RIMBP2: variants seen among roughly 807,000 people sequenced by gnomAD.
RIMBP2 encodes RIMS-binding protein 2.
In RIMBP2, 48 loss-of-function variants were observed where a neutral mutation model predicts 118.6. That is an observed-to-expected ratio of 0.40 (90% confidence interval 0.32 to 0.51). RIMBP2 has a LOEUF of 0.51. RIMBP2 is among the 20% of genes least tolerant of loss of function. The pLI, the probability that RIMBP2 is intolerant of heterozygous loss-of-function variation, is 0.41. For missense variants in RIMBP2, 1,551 were observed against 1,768.3 expected, an observed-to-expected ratio of 0.88 and a Z score of 2.20; for synonymous variants, 762 against 742.9, an observed-to-expected ratio of 1.03 and a Z score of -0.42.
chr12:130,455,435 C>A (rs568316093), intron 7 of RIMBP2, among the ~76,000 whole-genome samples: 1 of 152,342 alleles, frequency 6.6e-6, no homozygotes, highest in South Asian at 2.1e-4. Flanking sequence ...CTAGGCAGGG[C>A]ATGCAGCCTG....
At position 130,578,589 on chromosome 12, in the gene RIMBP2, G is replaced by C. The variant is rs2058248827; in HGVS notation, c.-217+49733C>G. Among the ~76,000 whole-genome samples the C allele has an allele frequency of 6.6e-6, 1 of 152,198 alleles. No homozygotes were observed. The highest frequency in any genetic ancestry group is 6.5e-5 in the Admixed American group (1 of 15,284). On this transcript the variant is annotated intron_variant, in intron 2 of 22. Transcript: ENST00000690449. The surrounding 1 kb of genome is among the most constrained non-coding windows in gnomAD (Gnocchi z 4.1). The stretch of plus-strand genomic sequence containing the variant: ...TCCAGCCTTGGGGCCTGTGCACTGT[G>C]GGCCCCTCTGCCTGAACAGGCTTCC...
chr12:130,675,987 G>A (rs12582609), intron 1 of RIMBP2, among the ~76,000 whole-genome samples: 11 of 152,202 alleles, frequency 7.2e-5, no homozygotes, highest in East Asian at 3.9e-4. Context: ...GCATTAGCGC[G>A]CCATAAGGGG....
chr12:130,579,753 A>G (rs1269413368), intron 2 of RIMBP2, among the ~76,000 whole-genome samples: 1 of 151,934 alleles, frequency 6.6e-6, no homozygotes, highest in Non-Finnish European at 1.5e-5. Flanking sequence ...ATACTAGATG[A>G]GTGGACCCAG....
rs1025180372 is a variant in RIMBP2, at chr12:130,450,049, A to C, written c.581+151T>G. The C allele has an allele frequency of 1.7e-6, 1 of 602,074 alleles. No individual in the cohort carries two copies. The highest frequency in any genetic ancestry group is 2.8e-5 in the Admixed American group (1 of 36,254). The allele number at this position is 602,074 out of a possible 1,614,324, so 37.3% of individuals were successfully genotyped here. The stretch of plus-strand genomic sequence containing the variant: ...GTGCCACCCAAACTCTCTCCACCGA[A>C]CCCTGCTCAGCCTCCAGGCCAGGCT... On this transcript the variant is annotated intron_variant, in intron 9 of 22. Transcript: ENST00000690449. The surrounding 1 kb of genome is among the most constrained non-coding windows in gnomAD (Gnocchi z 4.8).
chr12:130,636,378 TTGTA>T (rs1566412040), intron 1 of RIMBP2, among the ~76,000 whole-genome samples: 1 of 152,098 alleles, frequency 6.6e-6, no homozygotes, highest in Admixed American at 6.5e-5. Flanking sequence ...AGATTGGCGG[TTGTA>T]TGTATCTTAT....
At chr12:130,593,665 G>A (rs1200616292) in intron 2 of RIMBP2, among the ~76,000 whole-genome samples, 1 of 152,136 alleles carries the variant, frequency 6.6e-6, no homozygotes, top group East Asian at 1.9e-4. Flanking sequence ...GGGAAATCCT[G>A]ACTTTATGTG....
chr12:130,610,978 T>C (rs890703093), intron 2 of RIMBP2, among the ~76,000 whole-genome samples: 9 of 151,930 alleles, frequency 5.9e-5, no homozygotes, highest in African/African-American at 1.9e-4. Flanking sequence ...TGCCTCCGAG[T>C]TCCCTCATTT....
intron 4 of RIMBP2, among the ~76,000 whole-genome samples, chr12:130,500,801 G>A (rs534138759): frequency 1.6e-4 from 24 of 152,142 alleles, no homozygotes; most frequent in South Asian, 6.2e-4. Flanking sequence ...CGCGTCAGGT[G>A]CTAGATGAGA....
chr12:130,567,485 C>A (rs867662881), intron 2 of RIMBP2, among the ~76,000 whole-genome samples: 1 of 152,206 alleles, frequency 6.6e-6, no homozygotes, highest in African/African-American at 2.4e-5. Flanking sequence ...TGGAACCCAC[C>A]CTTCTATCCC....
chr12:130,648,010 C>CACACACTTGTGAACACACGTGTGT (rs2063064954), intron 1 of RIMBP2, among the ~76,000 whole-genome samples: 1 of 146,492 alleles, frequency 6.8e-6, no homozygotes, highest in Admixed American at 6.8e-5. Flanking sequence ...CACACGTGTG[C>CACACACTTGTGAACACACGTGTGT]ACACACATGT....
intron 2 of RIMBP2, among the ~76,000 whole-genome samples, chr12:130,613,327 C>T (rs181786498): frequency 1.1e-4 from 16 of 152,308 alleles, no homozygotes; most frequent in South Asian, 1.0e-3. Flanking sequence ...ATACCCCTGC[C>T]GCAATCTCCA....
At chr12:130,674,748 C>G (rs1324804532) in intron 1 of RIMBP2, among the ~76,000 whole-genome samples, 1 of 152,176 alleles carries the variant, frequency 6.6e-6, no homozygotes, top group African/African-American at 2.4e-5. Flanking sequence ...AACCCCATAT[C>G]CATGACCGGC....
chr12:130,588,928 C>T (rs1049959482), intron 2 of RIMBP2, among the ~76,000 whole-genome samples: 12 of 152,178 alleles, frequency 7.9e-5, no homozygotes, highest in African/African-American at 2.2e-4. Context: ...GCAAGCCCCA[C>T]GGGGGATTTG....
Position 130,506,738 on chromosome 12 carries a change from C to G in RIMBP2, c.-94G>C. On this transcript the variant is annotated 5_prime_UTR_variant, in exon 4 of 23. Transcript: ENST00000690449. ...CGCGCTCTCTGGTCACGAGGGTGAG[C>G]GGATGGTTGAGATGCACATACTCTG... 2 of 985,676 alleles carry G rather than the reference C, an allele frequency of 2.0e-6. No homozygotes were observed. Among genetic ancestry groups the G allele is most frequent in the Non-Finnish European group, 2.4e-6 (2 of 829,942 alleles). The allele number at this position is 985,676 out of a possible 1,614,324, so 61.1% of individuals were successfully genotyped here.
chr12:130,477,459 C>T (rs1203433046), intron 5 of RIMBP2, among the ~76,000 whole-genome samples: 1 of 152,166 alleles, frequency 6.6e-6, no homozygotes, highest in Non-Finnish European at 1.5e-5. Context: ...GTCCTTGAGA[C>T]ATGGCAGGAG....
intron 11 of RIMBP2, among the ~76,000 whole-genome samples, chr12:130,441,541 T>C (rs1265525717): frequency 2.6e-5 from 4 of 152,204 alleles, no homozygotes; most frequent in South Asian, 2.1e-4. Context: ...CAGGGGTGCA[T>C]GTGACACGGA....
intron 5 of RIMBP2, among the ~76,000 whole-genome samples, chr12:130,474,260 G>A (rs572797046): frequency 2.2e-4 from 34 of 152,136 alleles, no homozygotes; most frequent in Non-Finnish European, 4.0e-4. Context: ...GTTACACGAG[G>A]GCTGACTATT....
chr12:130,571,759 T>C lies in RIMBP2; in HGVS notation c.-216-53842A>G, dbSNP rs574088072. The stretch of plus-strand genomic sequence containing the variant: ...GGAACCTCACTGTGGCCTCCAAGGC[T>C]GTTTGTATCTGGCCCCCATGGCCTC... On this transcript the variant is annotated intron_variant, in intron 2 of 22. Coordinates refer to ENST00000690449, the MANE Select transcript of RIMBP2 (RefSeq NM_001393629.1). Among the ~76,000 whole-genome samples the C allele has an allele frequency of 1.1e-4, 17 of 152,220 alleles. 1 individual carries two copies. The South Asian group carries it at 3.1e-3, about 28-fold the overall frequency.
intron 2 of RIMBP2, among the ~76,000 whole-genome samples, chr12:130,602,506 C>T (rs1247247362): frequency 1.3e-5 from 2 of 152,206 alleles, no homozygotes; most frequent in Non-Finnish European, 2.9e-5. Context: ...CCCAGAAATT[C>T]GGCCACCTGT....
Sources: gnomAD v4.1 joint callset for allele counts (sites outside exome capture counted in the v4.1 genomes callset) on GRCh38, gnomAD v4.1.1 for gene constraint, Gnocchi (gnomAD v3.1) non-coding constraint, MANE v1.5 for transcripts, NCBI Gene and HGNC (gene_info 2026-07-23, HGNC 2026-07-21) for gene names.